The following ZBTB7C variants were observed in gnomAD, a reference collection of about 807,000 sequenced individuals.
The protein encoded by ZBTB7C is zinc finger and BTB domain containing 7C.
ZBTB7C carries 8 observed loss-of-function variants against 25.7 expected under a neutral mutation model. That is an observed-to-expected ratio of 0.31 (90% confidence interval 0.18 to 0.56). The LOEUF is 0.56. Among genes scored for constraint, ZBTB7C ranks in the 20% least tolerant of loss-of-function variants. The pLI, the probability that ZBTB7C is intolerant of heterozygous loss-of-function variation, is 0.91. For synonymous variants in ZBTB7C, 394 were observed against 369.0 expected (o/e 1.07, Z -0.78); for missense variants, 824 against 855.2 (o/e 0.96, Z 0.46).
intron 2 of ZBTB7C, among the ~76,000 whole-genome samples, chr18:48,240,512 A>G (rs1409423366): frequency 6.6e-6 from 1 of 152,232 alleles, no homozygotes; most frequent in Non-Finnish European, 1.5e-5. Flanking sequence ...CAGAAAGCCT[A>G]CAGGTTAGAA....
chr18:48,104,561 A>G (rs2038961301), intron 3 of ZBTB7C, among the ~76,000 whole-genome samples: 1 of 152,154 alleles, frequency 6.6e-6, no homozygotes. Flanking sequence ...GTATGTATGT[A>G]TGTACATATG....
In ZBTB7C at chr18:48,321,394, T is replaced by C. The variant is rs76818938; in HGVS notation, c.-79+16780A>G. Among the ~76,000 whole-genome samples the C allele has an allele frequency of 3.3e-5, 5 of 152,302 alleles. No homozygotes were observed. In the East Asian group the frequency reaches 9.7e-4, roughly 29 times the overall value. On this transcript the variant is annotated intron_variant, in intron 2 of 4. Transcript: ENST00000590800. Reference sequence around the variant, plus strand: ...GGCAGGCACTGTGCTGGGTAGAGCATGTACCCACCTACCTCACATGATGGG... The same window carrying C: ...GGCAGGCACTGTGCTGGGTAGAGCACGTACCCACCTACCTCACATGATGGG...
chr18:48,077,532 C>T (rs1209539059), intron 3 of ZBTB7C, among the ~76,000 whole-genome samples: 2 of 152,188 alleles, frequency 1.3e-5, no homozygotes, highest in African/African-American at 2.4e-5. Context: ...CAGGGCCTGG[C>T]ATGGAGCAGC....
chr18:48,160,556 T>A (rs751673549), intron 3 of ZBTB7C, among the ~76,000 whole-genome samples: 3 of 152,218 alleles, frequency 2.0e-5, no homozygotes, highest in Non-Finnish European at 4.4e-5. Context: ...GTGGTCCAGC[T>A]GTTAAAGATC....
intron 3 of ZBTB7C, among the ~76,000 whole-genome samples, chr18:48,134,124 T>A (rs1434733210): frequency 2.9e-5 from 4 of 138,846 alleles, no homozygotes; most frequent in South Asian, 2.3e-4. Flanking sequence ...GAAAAGGAAG[T>A]AGAAAAAAAC....
chr18:48,058,752 C>T (rs1047860588), intron 3 of ZBTB7C, among the ~76,000 whole-genome samples: 1 of 152,206 alleles, frequency 6.6e-6, no homozygotes, highest in Non-Finnish European at 1.5e-5. Context: ...TGTGTGCCTG[C>T]CATGGCGAGG....
At chr18:48,333,255 A>T (rs1039345666) in intron 2 of ZBTB7C, among the ~76,000 whole-genome samples, 5 of 152,234 alleles carry the variant, frequency 3.3e-5, no homozygotes, top group Admixed American at 3.3e-4. Context: ...ACTTAAGGTG[A>T]TATAGCAGAA....
intron 1 of ZBTB7C, among the ~76,000 whole-genome samples, chr18:48,343,571 A>G (rs1295951119): frequency 6.6e-6 from 1 of 152,168 alleles, no homozygotes; most frequent in African/African-American, 2.4e-5. Context: ...CTCTGGAATC[A>G]GGTTTGTATC....
intron 2 of ZBTB7C, among the ~76,000 whole-genome samples, chr18:48,310,912 T>G (rs994769938): frequency 6.6e-6 from 1 of 152,220 alleles, no homozygotes; most frequent in African/African-American, 2.4e-5. Context: ...TGGCTCCAAA[T>G]GTCAGCACAA....
chr18:48,409,210 G>A lies in ZBTB7C; in HGVS notation c.-304+16C>T, dbSNP rs1261347376. On this transcript the variant is annotated intron_variant, in intron 1 of 4. Coordinates refer to ENST00000590800, the MANE Select transcript of ZBTB7C (RefSeq NM_001318841.2). ...CCGGCAGCCGGCGCCCGAGCCCGGC[G>A]CGCGAAGCCGCTCACCTCCGCGCGC... The A allele has an allele frequency of 6.7e-6, 1 of 149,464 alleles. No homozygotes were observed. Among genetic ancestry groups the A allele is most frequent in the Non-Finnish European group, 1.5e-5 (1 of 67,120 alleles). 9.3% of individuals were successfully genotyped at this position (149,464 alleles called of 1,614,324 possible). A position where few individuals can be genotyped will look rare whatever the true frequency, so the allele number is the denominator to read the frequency against.
At chr18:48,304,406 T>C (rs1034735155) in intron 2 of ZBTB7C, among the ~76,000 whole-genome samples, 8 of 152,342 alleles carry the variant, frequency 5.3e-5, no homozygotes, top group Non-Finnish European at 8.8e-5. Context: ...CCAGGCGTGG[T>C]GGCTCATGCC....
intron 1 of ZBTB7C, among the ~76,000 whole-genome samples, chr18:48,376,198 T>C (rs1193829406): frequency 1.3e-5 from 2 of 152,258 alleles, no homozygotes; most frequent in Non-Finnish European, 2.9e-5. Flanking sequence ...TATTAAGTTG[T>C]TGTGACTGAC....
chr18:48,287,049 G>T (rs190516953), intron 2 of ZBTB7C, among the ~76,000 whole-genome samples: 7 of 152,224 alleles, frequency 4.6e-5, no homozygotes, highest in African/African-American at 1.7e-4. Flanking sequence ...AAGATATAGA[G>T]CAGTTTCGGA....
At chr18:48,088,894 T>C (rs541647889) in intron 3 of ZBTB7C, among the ~76,000 whole-genome samples, 1 of 146,986 alleles carries the variant, frequency 6.8e-6, no homozygotes, top group East Asian at 2.0e-4. Flanking sequence ...GGGCAGGGGG[T>C]CAAATTAGGG....
At position 48,277,332 on chromosome 18, in the gene ZBTB7C, C is replaced by T. The variant is rs889249313; in HGVS notation, c.-79+60842G>A. 4.0e-5 allele frequency among the ~76,000 whole-genome samples: 6 copies of T among 148,316 alleles called. No homozygotes were observed. The East Asian group carries it at 5.9e-4, about 15-fold the overall frequency. On this transcript the variant is annotated intron_variant, in intron 2 of 4. Coordinates refer to ENST00000590800, the MANE Select transcript of ZBTB7C (RefSeq NM_001318841.2). ...ACAAACAACCCCATCAAAAAGTGGG[C>T]GAAGGACATGAACAGACACTTCTCA...
intron 2 of ZBTB7C, among the ~76,000 whole-genome samples, chr18:48,204,277 C>T (rs2042527450): frequency 6.6e-6 from 1 of 152,148 alleles, no homozygotes; most frequent in African/African-American, 2.4e-5. Context: ...CTGCGCATGC[C>T]CAGTCTCTCA....
intron 3 of ZBTB7C, among the ~76,000 whole-genome samples, chr18:48,118,261 C>A (rs1008677530): frequency 1.3e-5 from 2 of 152,174 alleles, no homozygotes; most frequent in African/African-American, 2.4e-5. Flanking sequence ...CTGCCTCAGC[C>A]TCCCAAAGTG....
At chr18:48,159,867 G>A (rs2040947462) in intron 3 of ZBTB7C, among the ~76,000 whole-genome samples, 1 of 152,164 alleles carries the variant, frequency 6.6e-6, no homozygotes, top group Non-Finnish European at 1.5e-5. Context: ...GAGCCCAGGG[G>A]GCCTCCAGCC....
At chr18:48,265,101 AC>A (rs992420830) in intron 2 of ZBTB7C, among the ~76,000 whole-genome samples, 14 of 152,214 alleles carry the variant, frequency 9.2e-5, no homozygotes, top group Admixed American at 3.9e-4. Flanking sequence ...GCAAGAATCA[AC>A]CCTATCCTTG....
Sources: allele counts gnomAD v4.1 joint callset (sites outside exome capture counted in the v4.1 genomes callset), GRCh38; gene constraint gnomAD v4.1.1; transcripts MANE v1.5; gene names NCBI Gene and HGNC (gene_info 2026-07-23, HGNC 2026-07-21).